ARHGAP11A: variants seen among roughly 807,000 people sequenced by gnomAD.
ARHGAP11A encodes rho GTPase-activating protein 11A.
In ARHGAP11A, 36 loss-of-function variants were observed where a neutral mutation model predicts 60.5. That is an observed-to-expected ratio of 0.59 (90% confidence interval 0.46 to 0.79). The LOEUF (loss-of-function observed/expected upper bound fraction) is 0.79, where lower values mean the gene tolerates loss of function less well. Ranked by LOEUF, ARHGAP11A falls within the 30% of genes least tolerant of loss-of-function variation. The pLI, the probability that ARHGAP11A is intolerant of heterozygous loss-of-function variation, is 0.00. For missense variants in ARHGAP11A, 1,071 were observed against 1,199.2 expected (o/e 0.89, Z 1.58); for synonymous variants, 362 against 415.5 (o/e 0.87, Z 1.57).
In ARHGAP11A at chr15:32,616,251, C is replaced by T. The variant is rs1050766670; in HGVS notation, c.40C>T (p.His14Tyr). The T allele has an allele frequency of 8.7e-6, 14 of 1,614,022 alleles. No individual in the cohort carries two copies. The highest frequency in any genetic ancestry group is 1.6e-4 in the Middle Eastern group (1 of 6,084). ...QRLVRLALLQ[H>Y]LRAFYGIKVK... Reference sequence around the variant, plus strand: ...GCTGGTGAGGTTGGCCCTGTTGCAGCATCTGCGGGCCTTCTATGGTATTAA... The same window carrying T: ...GCTGGTGAGGTTGGCCCTGTTGCAGTATCTGCGGGCCTTCTATGGTATTAA... The change falls in exon 1 of 12, where the codon CAT becomes TAT. Residue 14 changes from histidine (H) to tyrosine (Y), a missense_variant. By Grantham distance (83) the His-to-Tyr change is moderately conservative. This residue lies in a region of ARHGAP11A where 28 missense variants were observed against 24.5 expected (regional missense o/e 1.14). Coordinates refer to ENST00000361627, the MANE Select transcript of ARHGAP11A (RefSeq NM_014783.6).
At chr15:32,626,713 G>A (rs1356122429) in intron 6 of ARHGAP11A, among the ~76,000 whole-genome samples, 1 of 152,258 alleles carries the variant, frequency 6.6e-6, no homozygotes, top group Non-Finnish European at 1.5e-5. Context: ...CAGAATGCCT[G>A]AAACCTGCAG....
Position 32,624,183 on chromosome 15 carries a change from A to C in ARHGAP11A, c.308A>C (p.Asp103Ala). 1.2e-6 allele frequency: 2 copies of C among 1,609,838 alleles called. No homozygotes were observed. Among genetic ancestry groups the C allele is most frequent in the Non-Finnish European group, 1.7e-6 (2 of 1,176,726 alleles). The change falls in exon 4 of 12, where the codon GAT (aspartate) becomes GCT (alanine). Residue 103 changes from aspartate to alanine, a missense_variant. Coordinates refer to ENST00000361627, the MANE Select transcript of ARHGAP11A (RefSeq NM_014783.6). ...TTATATTTATTTCAGAATAAAGTGG[A>C]TCATGGTGAAGGTTGCCTATCTTCT... ...IRLKALKNKVDHGEGCLSSAP... is the reference protein window; with the variant it reads ...IRLKALKNKVAHGEGCLSSAP...
intron 8 of ARHGAP11A, 66 bp downstream of exon 8, chr15:32,629,828 G>A (rs1025119481): frequency 1.9e-6 from 2 of 1,067,404 alleles, no homozygotes; most frequent in South Asian, 1.8e-5. Context: ...TGGGCACAGT[G>A]CAATTTCATA....
chr15:32,628,852 C>T lies in ARHGAP11A; in HGVS notation c.937+50C>T. On this transcript the variant is annotated intron_variant, in intron 7 of 11. Coordinates refer to ENST00000361627, the MANE Select transcript of ARHGAP11A (RefSeq NM_014783.6). ...TTTAAATTAAAATTTGTATAGTATT[C>T]TATAAAATACAATTACAATAATAAT... is the stretch of plus-strand genomic sequence containing the variant. 6 of 1,246,968 alleles carry T rather than the reference C, an allele frequency of 4.8e-6. No homozygotes were observed. The South Asian group carries it at 5.0e-5, about 10-fold the overall frequency. The allele number at this position is 1,246,968 out of a possible 1,614,324, so 77.2% of individuals were successfully genotyped here.
chr15:32,616,387 C>G (rs368253364), intron 1 of ARHGAP11A, 47 bp downstream of exon 1: 1 of 1,610,834 alleles, frequency 6.2e-7, no homozygotes, highest in Non-Finnish European at 8.5e-7. Context: ...AGGGCACACC[C>G]TTTATCATCA....
At chr15:32,624,049 T>C (rs2053397999) in intron 3 of ARHGAP11A, 124 bp from the exon 4 acceptor site, 4 of 711,890 alleles carry the variant, frequency 5.6e-6, no homozygotes, top group Non-Finnish European at 9.4e-6. Flanking sequence ...TAGTGACATA[T>C]ATTAAAATAA....
At position 32,638,023 on chromosome 15, in the gene ARHGAP11A, ACTT is replaced by A. The variant is rs1292650426; in HGVS notation, c.*182_*184del. ...ACTTAGATTTTTATTTGTACAAATT[ACTT>A]CTTTGTTTTTCTTAATGATGGCAAT... On this transcript the variant is annotated 3_prime_UTR_variant, in exon 12 of 12. Transcript: ENST00000361627. The A allele has an allele frequency of 5.1e-6, 3 of 594,036 alleles. No individual in the cohort carries two copies. In the Admixed American group the frequency reaches 1.1e-4, roughly 21 times the overall value. The allele number at this position is 594,036 out of a possible 1,614,324, so 36.8% of individuals were successfully genotyped here.
At chr15:32,621,205 T>C (rs12911669) in intron 2 of ARHGAP11A, among the ~76,000 whole-genome samples, 1 of 120,344 alleles carries the variant, frequency 8.3e-6, no homozygotes, top group Non-Finnish European at 1.7e-5. Flanking sequence ...TTTTTTTTTT[T>C]TGAGACAAGA....
rs1466527290 is a variant in ARHGAP11A, at chr15:32,636,869, A to G, written c.2096A>G (p.His699Arg). The G allele has an allele frequency of 6.2e-7, 1 of 1,612,818 alleles. No individual in the cohort carries two copies. The highest frequency in any genetic ancestry group is 2.2e-5 in the East Asian group (1 of 44,864). The change falls in exon 12 of 12, where the codon CAT (histidine) becomes CGT (arginine). Residue 699 changes from histidine to arginine, a missense_variant. Transcript: ENST00000361627. ...KCYSTQMKME[H>R]EKDIHSNMPK... The stretch of plus-strand genomic sequence containing the variant: ...TATTCAACTCAGATGAAGATGGAAC[A>G]TGAAAAAGACATTCATTCAAATATG...
intron 1 of ARHGAP11A, among the ~76,000 whole-genome samples, 199 bp from the exon 2 acceptor site, chr15:32,619,909 C>A (rs2053253266): frequency 6.6e-6 from 1 of 152,024 alleles, no homozygotes; most frequent in African/African-American, 2.4e-5. Context: ...TTTGTACTCC[C>A]AGCACTCAGC....
Position 32,635,920 on chromosome 15 carries a change from A to G in ARHGAP11A, c.1483+5A>G. ...ATGAAAAGTTACCAAAGAAAGGTAC[A>G]TTTACATACTACTGTTAGAGTTTTA... On this transcript the variant is annotated splice_donor_5th_base_variant and intron_variant, in intron 11 of 11. Transcript: ENST00000361627. 1.2e-6 allele frequency: 2 copies of G among 1,602,944 alleles called. No individual in the cohort carries two copies. Among genetic ancestry groups the G allele is most frequent in the South Asian group, 2.3e-5 (2 of 88,372 alleles).
At position 32,636,463 on chromosome 15, in the gene ARHGAP11A, T is replaced by G; in HGVS notation, c.1690T>G (p.Cys564Gly). The G allele has an allele frequency of 6.2e-7, 1 of 1,613,934 alleles. No individual in the cohort carries two copies. The highest frequency in any genetic ancestry group is 8.5e-7 in the Non-Finnish European group (1 of 1,179,898). Reference protein sequence around the residue: ...IMVEKSPATSCELTPSNLNNK... With the variant: ...IMVEKSPATSGELTPSNLNNK... ...GGTAGAAAAGTCACCTGCTACTTCA[T>G]GTGAACTCACCCCTTCCAATTTAAA... is the stretch of plus-strand genomic sequence containing the variant. Residue 564 changes from cysteine to glycine, a missense_variant, in exon 12 of 12, where the codon TGT (cysteine) becomes GGT (glycine). Physicochemically the swap from Cys to Gly is radical, Grantham distance 159. Transcript: ENST00000361627.
rs1026643381 is a variant in ARHGAP11A at position 32,638,816 on chromosome 15, G to A, written c.*971G>A. On this transcript the variant is annotated 3_prime_UTR_variant, in exon 12 of 12. Transcript: ENST00000361627. ...TTTTAAAGATAATTTGCACAAACAC[G>A]TTTGTGTCTGTTCTGTCCAATATAG... 1 of 152,490 alleles carries A rather than the reference G, an allele frequency of 6.6e-6. No individual in the cohort carries two copies. Among genetic ancestry groups the A allele is most frequent in the South Asian group, 2.1e-4 (1 of 4,814 alleles). 9.4% of individuals were successfully genotyped at this position (152,490 alleles called of 1,614,324 possible).
At chr15:32,623,933 C>T (rs972662031) in intron 3 of ARHGAP11A, among the ~76,000 whole-genome samples, 1 of 151,814 alleles carries the variant, frequency 6.6e-6, no homozygotes, top group African/African-American at 2.4e-5. Flanking sequence ...GAGGCTAAGG[C>T]AGGAAGATTG....
intron 3 of ARHGAP11A, 74 bp from the exon 4 acceptor site, chr15:32,624,099 T>C: frequency 5.6e-6 from 9 of 1,595,318 alleles, no homozygotes; most frequent in Non-Finnish European, 7.7e-6. Flanking sequence ...GTAATTAGAG[T>C]ATAACAAAAG....
chr15:32,624,002 A>G (rs1024171136), intron 3 of ARHGAP11A, among the ~76,000 whole-genome samples, 171 bp from the exon 4 acceptor site: 1 of 151,978 alleles, frequency 6.6e-6, no homozygotes, highest in African/African-American at 2.4e-5. Context: ...CATTTCTATA[A>G]AAATAAAAAT....
chr15:32,634,066 T>G (rs1326854178), intron 10 of ARHGAP11A, 25 bp downstream of exon 10: 2 of 1,486,146 alleles, frequency 1.3e-6, no homozygotes, highest in Non-Finnish European at 1.8e-6. Context: ...ATTTTATTGA[T>G]CTTTATATTA....
At chr15:32,629,241 C>A (rs1178395217) in intron 7 of ARHGAP11A, among the ~76,000 whole-genome samples, 1 of 144,830 alleles carries the variant, frequency 6.9e-6, no homozygotes, top group East Asian at 2.0e-4. Flanking sequence ...GGTTAATACT[C>A]ACTTATGATG....
rs1160802468 is a variant in ARHGAP11A, at chr15:32,636,389, C to T, written c.1616C>T (p.Ser539Leu). The stretch of plus-strand genomic sequence containing the variant: ...GAAGTAGATGCAAATGAAGCTTCTT[C>T]AATGGTGGAAAATCTTGAGGTAGAA... ...FQEVDANEAS[S>L]MVENLEVENS... The change falls in exon 12 of 12, where the codon TCA becomes TTA. Residue 539 changes from serine to leucine, a missense_variant. Ser to Leu is a moderately radical substitution (Grantham distance 145). Transcript: ENST00000361627. The T allele has an allele frequency of 6.2e-7, 1 of 1,614,066 alleles. No individual in the cohort carries two copies. The highest frequency in any genetic ancestry group is 1.1e-5 in the South Asian group (1 of 91,076).
Sources: gnomAD v4.1 joint callset for allele counts (sites outside exome capture counted in the v4.1 genomes callset) on GRCh38, gnomAD v4.1.1 for gene constraint, gnomAD v4.1.1 regional missense constraint, MANE v1.5 for transcripts, NCBI Gene and HGNC (gene_info 2026-07-23, HGNC 2026-07-21) for gene names.